The following COL1A2 variants were observed in gnomAD, a reference collection of about 807,000 sequenced individuals.
The protein encoded by COL1A2 is collagen type I alpha 2 chain, also known as collagen alpha-2(I) chain.
In COL1A2, 49 loss-of-function variants were observed where a neutral mutation model predicts 174.3. That is an observed-to-expected ratio of 0.28 (90% CI 0.22 to 0.36). COL1A2 has a LOEUF of 0.36. Ranked by LOEUF, COL1A2 falls within the 10% of genes least tolerant of loss-of-function variation. The probability of loss-of-function intolerance (pLI) is 1.00; values close to 1 mark genes in which losing one functional copy is unlikely to be tolerated. For synonymous variants in COL1A2, 655 were observed against 606.6 expected (o/e 1.08, Z -1.17); for missense variants, 1,438 against 1,822.7 (o/e 0.79, Z 3.84).
rs745676508 is a variant in COL1A2, at chr7:94,426,062, G to C, written c.2997+11G>C. On this transcript the variant is annotated intron_variant, in intron 45 of 51. Transcript: ENST00000297268. ...CCAAGAGGTCCTAGTGTATGTACATGCTGAAGATTTCTTTGCAACACTAAC... is the reference window on the plus strand; with the variant it reads ...CCAAGAGGTCCTAGTGTATGTACATCCTGAAGATTTCTTTGCAACACTAAC... 2.5e-5 allele frequency: 41 copies of C among 1,611,912 alleles called. No individual in the cohort carries two copies. Among genetic ancestry groups the C allele is most frequent in the Non-Finnish European group, 3.4e-5 (40 of 1,178,090 alleles).
At chr7:94,409,022 C>T (rs982792074) in intron 16 of COL1A2, among the ~76,000 whole-genome samples, 199 bp downstream of exon 16, 2 of 151,976 alleles carry the variant, frequency 1.3e-5, no homozygotes, top group Admixed American at 1.3e-4. Flanking sequence ...GTGCACTGTG[C>T]CCATCGATAT....
intron 33 of COL1A2, among the ~76,000 whole-genome samples, chr7:94,419,170 G>A (rs369982): frequency 0.38 from 56,173 of 149,280 alleles, 11,171 homozygotes; most frequent in Admixed American, 0.48. Flanking sequence ...TTTGAATCAC[G>A]TAGTTCTAAC....
intron 33 of COL1A2, 80 bp from the exon 34 acceptor site, chr7:94,419,418 C>T (rs1234067794): frequency 1.3e-5 from 20 of 1,496,236 alleles, no homozygotes; most frequent in Non-Finnish European, 1.9e-5. Flanking sequence ...ACTGTATAAG[C>T]ACAGAAAAAA....
At position 94,404,543 on chromosome 7, in the gene COL1A2, G is replaced by C; in HGVS notation, c.280-13G>C. ...ATCAGTGCTAACTGTTGATATATCT[G>C]CTTTCTTTACAGGGCTTAATGGGAC... On this transcript the variant is annotated splice_polypyrimidine_tract_variant and intron_variant, in intron 6 of 51. Transcript: ENST00000297268. The C allele has an allele frequency of 6.2e-7, 1 of 1,612,662 alleles. No homozygotes were observed. The highest frequency in any genetic ancestry group is 8.5e-7 in the Non-Finnish European group (1 of 1,179,934).
At chr7:94,412,504 T>C in intron 24 of COL1A2, 80 bp from the exon 25 acceptor site, 1 of 1,069,838 alleles carries the variant, frequency 9.3e-7, no homozygotes, top group South Asian at 1.3e-5. Context: ...ACTATTCTGT[T>C]TCATCCGTGG....
chr7:94,407,811 A>C, intron 12 of COL1A2, 36 bp from the exon 13 acceptor site: 1 of 1,604,554 alleles, frequency 6.2e-7, no homozygotes, highest in Non-Finnish European at 8.5e-7. Flanking sequence ...TAATTGTTAT[A>C]TTTAATGAAC....
chr7:94,421,508 T>G (rs1359444896), intron 38 of COL1A2: 1 of 369,396 alleles, frequency 2.7e-6, no homozygotes, highest in East Asian at 5.9e-5. Flanking sequence ...ATGAACACCA[T>G]TACCTATTAA....
At chr7:94,402,028 AT>A (rs1791699842) in intron 6 of COL1A2, among the ~76,000 whole-genome samples, 3 of 152,164 alleles carry the variant, frequency 2.0e-5, no homozygotes, top group Admixed American at 6.5e-5. Context: ...AGAACTATTT[AT>A]TAAGTTCTCT....
At chr7:94,395,955 G>C (rs1791574831) in intron 1 of COL1A2, among the ~76,000 whole-genome samples, 1 of 152,152 alleles carries the variant, frequency 6.6e-6, no homozygotes, top group Non-Finnish European at 1.5e-5. Flanking sequence ...AACGCAGCAA[G>C]TTGAGAAATA....
chr7:94,416,506 A>G lies in COL1A2; in HGVS notation c.1863+3A>G, dbSNP rs570919022. 16 of 1,561,458 alleles carry G rather than the reference A, an allele frequency of 1.0e-5. 1 individual carries two copies. The South Asian group carries it at 1.9e-4, about 18-fold the overall frequency. ...CCCCAGGGCCTGATGGAAACAAGGT[A>G]AAATCTTATGTTTTCTATATTGCTG... On this transcript the variant is annotated splice_donor_region_variant and intron_variant, in intron 31 of 51. Coordinates refer to ENST00000297268, the MANE Select transcript of COL1A2 (RefSeq NM_000089.4).
rs1791949689 is a variant in COL1A2, at chr7:94,412,522, A to G, written c.1405-62A>G. The G allele has an allele frequency of 3.9e-6, 5 of 1,294,962 alleles. No individual in the cohort carries two copies. The East Asian group carries it at 1.2e-4, about 31-fold the overall frequency. The allele number at this position is 1,294,962 out of a possible 1,614,324, so 80.2% of individuals were successfully genotyped here. A position where few individuals can be genotyped will look rare whatever the true frequency, so the allele number is the denominator to read the frequency against. ...ATTCTGTTTCATCCGTGGCAGCATC[A>G]TAAGCTTGAGGTTGTGAGAATATGT... On this transcript the variant is annotated intron_variant, in intron 24 of 51. Transcript: ENST00000297268.
In COL1A2 at chr7:94,401,589, GA is replaced by G; in HGVS notation, c.252del (p.Gly85GlufsTer11). On this transcript the variant is annotated frameshift_variant, in exon 6 of 52. Transcript: ENST00000297268. LOFTEE classifies it high-confidence loss of function. ...LGGNFAAQYD[G>X]KGVGLGPGPM... is the part of the protein sequence containing the mutation. ...TAGAACTTTGCTGCTCAGTATGATG[GA>G]AAAGGAGTTGGACTTGGCCCTGGAC... is the stretch of plus-strand genomic sequence containing the variant. 6.4e-7 allele frequency: 1 copy of G among 1,565,456 alleles called. No homozygotes were observed. Among genetic ancestry groups the G allele is most frequent in the Admixed American group, 1.7e-5 (1 of 58,148 alleles).
intron 28 of COL1A2, 74 bp from the exon 29 acceptor site, chr7:94,414,148 C>A: frequency 6.6e-7 from 1 of 1,516,236 alleles, no homozygotes; most frequent in Non-Finnish European, 9.2e-7. Context: ...TAGCCACCAC[C>A]CCCAAACTCA....
In COL1A2 at chr7:94,414,115, A is replaced by G. The variant is rs767128227; in HGVS notation, c.1666-107A>G. On this transcript the variant is annotated intron_variant, in intron 28 of 51. Transcript: ENST00000297268. Reference sequence around the variant, plus strand: ...TTTGTGTAATGCTTAATAACATACAATCGTGCTCATGTTGATATTTGGTAG... The same window carrying G: ...TTTGTGTAATGCTTAATAACATACAGTCGTGCTCATGTTGATATTTGGTAG... The G allele has an allele frequency of 6.7e-6, 9 of 1,336,042 alleles. No homozygotes were observed. In the Admixed American group the frequency reaches 8.8e-5, roughly 13 times the overall value. 82.8% of individuals were successfully genotyped at this position (1,336,042 alleles called of 1,614,324 possible).
chr7:94,430,828 A>G lies in COL1A2; in HGVS notation c.*435A>G, dbSNP rs1792386670. 1 of 186,696 alleles carries G rather than the reference A, an allele frequency of 5.4e-6. No individual in the cohort carries two copies. Among genetic ancestry groups the G allele is most frequent in the Non-Finnish European group, 1.1e-5 (1 of 89,098 alleles). The allele number at this position is 186,696 out of a possible 1,614,324, so 11.6% of individuals were successfully genotyped here. On this transcript the variant is annotated 3_prime_UTR_variant, in exon 52 of 52. Transcript: ENST00000297268. ...CACATTGTTAGGTGCTGACCTAGACAGAGATGAACTGAGGTCCTTGTTTTG... is the reference window on the plus strand; with the variant it reads ...CACATTGTTAGGTGCTGACCTAGACGGAGATGAACTGAGGTCCTTGTTTTG...
At chr7:94,409,214 G>A in intron 16 of COL1A2, 108 bp from the exon 17 acceptor site, 2 of 1,016,668 alleles carry the variant, frequency 2.0e-6, no homozygotes, top group East Asian at 2.4e-5. Flanking sequence ...AAAAATAATT[G>A]CAATTTTGAA....
At chr7:94,422,019 C>T in intron 39 of COL1A2, 67 bp downstream of exon 39, 1 of 1,382,114 alleles carries the variant, frequency 7.2e-7, no homozygotes, top group East Asian at 2.3e-5. Flanking sequence ...TGATAGGAAA[C>T]TGGTAAGAAA....
intron 4 of COL1A2, 26 bp from the exon 5 acceptor site, chr7:94,400,170 G>C: frequency 1.2e-6 from 2 of 1,610,042 alleles, no homozygotes; most frequent in Non-Finnish European, 1.7e-6. Context: ...TGTCTAACCT[G>C]ACCTTACTCA....
rs1223799268 is a variant in COL1A2, at chr7:94,430,767, TA to T, written c.*377del. 7.7e-6 allele frequency: 2 copies of T among 260,344 alleles called. No homozygotes were observed. Among genetic ancestry groups the T allele is most frequent in the Non-Finnish European group, 1.5e-5 (2 of 135,092 alleles). 16.1% of individuals were successfully genotyped at this position (260,344 alleles called of 1,614,324 possible). A position where few individuals can be genotyped will look rare whatever the true frequency, so the allele number is the denominator to read the frequency against. ...TTTAAAACCCAAACTTCCAAAGGTT[TA>T]AACTACCTCAAAACACTTTCCCATG... On this transcript the variant is annotated 3_prime_UTR_variant, in exon 52 of 52. Coordinates refer to ENST00000297268, the MANE Select transcript of COL1A2 (RefSeq NM_000089.4).
Sources: allele counts gnomAD v4.1 joint callset (sites outside exome capture counted in the v4.1 genomes callset), GRCh38; gene constraint gnomAD v4.1.1; transcripts MANE v1.5; gene names NCBI Gene and HGNC (gene_info 2026-07-23, HGNC 2026-07-21).